The following BMP8A variants were observed in gnomAD, a reference collection of about 807,000 sequenced individuals.
The protein encoded by BMP8A is bone morphogenetic protein 8a, also known as BMP-8A.
BMP8A carries 14 observed loss-of-function variants against 36.8 expected under a neutral mutation model. The observed-to-expected ratio is 0.38, with a 90% confidence interval of 0.25 to 0.60. The LOEUF is 0.60. Ranked by LOEUF, BMP8A falls within the 20% of genes least tolerant of loss-of-function variation. The pLI, the probability that BMP8A is intolerant of heterozygous loss-of-function variation, is 0.63. For missense variants in BMP8A, 267 were observed against 551.1 expected, an observed-to-expected ratio of 0.48 and a Z score of 5.16; for synonymous variants, 120 against 237.7, an observed-to-expected ratio of 0.50 and a Z score of 4.55.
chr1:39,523,100 G>A lies in BMP8A; in HGVS notation c.1042G>A (p.Ala348Thr), dbSNP rs770670316. Residue 348 changes from alanine to threonine, a missense_variant, in exon 6 of 7, where the codon GCC becomes ACC. By Grantham distance (58) the Ala-to-Thr change is moderately conservative. Around this residue, in one of 7 missense-constraint regions of BMP8A, gnomAD observed 132 missense variants for 151.3 expected, o/e 0.87. Transcript: ENST00000331593. ...CTCCTGCATGAACGCCACCAACCAC[G>A]CCATCCTGCAGTCCCTGGTCAGTAC... ...LDSCMNATNH[A>T]ILQSLVHLMK... 34 of 1,613,718 alleles carry A rather than the reference G, an allele frequency of 2.1e-5. No individual in the cohort carries two copies. Among genetic ancestry groups the A allele is most frequent in the Admixed American group, 6.7e-5 (4 of 59,972 alleles).
At position 39,525,686 on chromosome 1, in the gene BMP8A, G is replaced by A; in HGVS notation, c.1097G>A (p.Cys366Tyr). 6.2e-7 allele frequency: 1 copy of A among 1,614,094 alleles called. No individual in the cohort carries two copies. The highest frequency in any genetic ancestry group is 8.5e-7 in the Non-Finnish European group (1 of 1,179,994). Reference protein sequence around the residue: ...LMKPNAVPKACCAPTKLSATS... With the variant: ...LMKPNAVPKAYCAPTKLSATS... ...AAGCCAAACGCAGTCCCCAAGGCGTGCTGTGCACCCACCAAGCTGAGCGCC... is the reference window on the plus strand; with the variant it reads ...AAGCCAAACGCAGTCCCCAAGGCGTACTGTGCACCCACCAAGCTGAGCGCC... The change falls in exon 7 of 7, where the codon TGC becomes TAC. Residue 366 changes from cysteine (C) to tyrosine (Y), a missense_variant. Physicochemically the swap from Cys to Tyr is radical, Grantham distance 194. This residue lies in a region of BMP8A where 132 missense variants were observed against 151.3 expected (regional missense o/e 0.87). Transcript: ENST00000331593.
chr1:39,523,215 T>C, intron 6 of BMP8A, 98 bp downstream of exon 6: 1 of 1,374,034 alleles, frequency 7.3e-7, no homozygotes, highest in South Asian at 1.2e-5. Context: ...GGCCACCTGC[T>C]CCATGTCTCG....
intron 1 of BMP8A, among the ~76,000 whole-genome samples, chr1:39,499,315 G>T (rs1387220480): frequency 1.3e-5 from 2 of 152,236 alleles, no homozygotes; most frequent in African/African-American, 4.8e-5. Flanking sequence ...GGGACAGATG[G>T]CAGGGCCAGC....
chr1:39,522,323 G>A (rs1329650475), intron 4 of BMP8A, 80 bp from the exon 5 acceptor site: 2 of 1,343,734 alleles, frequency 1.5e-6, no homozygotes, highest in East Asian at 2.4e-5. Flanking sequence ...GCTCATCAGG[G>A]CATCCCCCAC....
chr1:39,496,078 C>A (rs186778841), intron 1 of BMP8A, among the ~76,000 whole-genome samples: 1 of 152,228 alleles, frequency 6.6e-6, no homozygotes, highest in Non-Finnish European at 1.5e-5. Flanking sequence ...CCTTGCCAGC[C>A]GTGTGACCTG....
chr1:39,511,455 AAG>A (rs1376798201), intron 2 of BMP8A, 92 bp downstream of exon 2: 1 of 524,392 alleles, frequency 1.9e-6, no homozygotes, highest in Non-Finnish European at 3.3e-6. Context: ...GGTGGGCTGA[AAG>A]AGAGCCTCAA....
intron 1 of BMP8A, among the ~76,000 whole-genome samples, chr1:39,504,948 C>T (rs1413928731): frequency 1.3e-5 from 2 of 152,134 alleles, no homozygotes; most frequent in African/African-American, 4.8e-5. Context: ...TGACTTTACA[C>T]GAACATCTCA....
At chr1:39,504,205 T>C (rs1463187823) in intron 1 of BMP8A, among the ~76,000 whole-genome samples, 2 of 151,440 alleles carry the variant, frequency 1.3e-5, no homozygotes, top group African/African-American at 2.4e-5. Flanking sequence ...AGAAAAGAAA[T>C]AAGATACAGA....
chr1:39,506,506 C>G (rs191953969), intron 1 of BMP8A, among the ~76,000 whole-genome samples: 1 of 152,022 alleles, frequency 6.6e-6, no homozygotes, highest in Non-Finnish European at 1.5e-5. Context: ...CGCGCCCCCC[C>G]CAATTTCCTG....
chr1:39,513,793 G>A (rs1445110378), intron 3 of BMP8A, among the ~76,000 whole-genome samples: 2 of 151,210 alleles, frequency 1.3e-5, no homozygotes, highest in Non-Finnish European at 3.0e-5. Context: ...ATGGGACCAG[G>A]TCATCTAGGG....
intron 1 of BMP8A, among the ~76,000 whole-genome samples, chr1:39,505,047 C>T (rs985766109): frequency 2.0e-5 from 3 of 152,202 alleles, no homozygotes; most frequent in African/African-American, 7.2e-5. Flanking sequence ...AATGTCCAAT[C>T]GGGTTTTACA....
rs1470646945 is a variant in BMP8A, at chr1:39,506,069, A to G, written c.335-5105A>G. Among the ~76,000 whole-genome samples the G allele has an allele frequency of 3.3e-5, 5 of 151,870 alleles. No individual in the cohort carries two copies. In the South Asian group the frequency reaches 6.2e-4, roughly 19 times the overall value. On this transcript the variant is annotated intron_variant, in intron 1 of 6. Coordinates refer to ENST00000331593, the MANE Select transcript of BMP8A (RefSeq NM_181809.4). ...GTCAGATCGGAGGGGCCCCGGGGAA[A>G]TGACACTAAATGTATTCGTGTATTA...
rs1480904083 is a variant in BMP8A, at chr1:39,528,908, C to T, written c.*3110C>T. On this transcript the variant is annotated 3_prime_UTR_variant, in exon 7 of 7. Coordinates refer to ENST00000331593, the MANE Select transcript of BMP8A (RefSeq NM_181809.4). ...TAGAAACCAGGTCTCACTATGTTGC[C>T]CAGGCCGGTCTTAAACTTTGCCCAG... 1 of 152,114 alleles carries T rather than the reference C, an allele frequency of 6.6e-6. No individual in the cohort carries two copies. The highest frequency in any genetic ancestry group is 2.4e-5 in the African/African-American group (1 of 41,388). The allele number at this position is 152,114 out of a possible 1,614,324, so 9.4% of individuals were successfully genotyped here.
intron 1 of BMP8A, among the ~76,000 whole-genome samples, chr1:39,501,433 C>T (rs941240541): frequency 6.6e-6 from 1 of 152,204 alleles, no homozygotes; most frequent in African/African-American, 2.4e-5. Flanking sequence ...CAGCTCACTG[C>T]AGTCTCCACC....
chr1:39,515,481 C>G (rs1023376486), intron 3 of BMP8A: 36 of 982,162 alleles, frequency 3.7e-5, no homozygotes, highest in Non-Finnish European at 4.0e-5. Context: ...CCGCTACACC[C>G]CGGACGGCCA....
chr1:39,506,712 T>C (rs769877514), intron 1 of BMP8A, among the ~76,000 whole-genome samples: 1 of 151,248 alleles, frequency 6.6e-6, no homozygotes, highest in Non-Finnish European at 1.5e-5. Flanking sequence ...CAGCCCCCCT[T>C]CTTTGTGTAC....
Position 39,522,426 on chromosome 1 carries a change from C to G in BMP8A, c.892C>G (p.Arg298Gly), listed in dbSNP as rs911259674. ...IFDDVRGSHGRQVCRRHELYV... is the reference protein window; with the variant it reads ...IFDDVRGSHGGQVCRRHELYV... ...AGATGACGTCCGCGGCTCCCACGGC[C>G]GGCAGGTCTGCCGTCGGCACGAGCT... The change falls in exon 5 of 7, where the codon CGG becomes GGG. Residue 298 changes from arginine (R) to glycine (G), a missense_variant. Physicochemically the swap from Arg to Gly is moderately radical, Grantham distance 125. Transcript: ENST00000331593. 5 of 1,610,472 alleles carry G rather than the reference C, an allele frequency of 3.1e-6. No individual in the cohort carries two copies. The highest frequency in any genetic ancestry group is 3.4e-6 in the Non-Finnish European group (4 of 1,178,844).
At chr1:39,523,606 C>A in intron 6 of BMP8A, 1 of 1,434,720 alleles carries the variant, frequency 7.0e-7, no homozygotes, top group South Asian at 1.5e-5. Flanking sequence ...GTGTGGCTCT[C>A]AACCTTTTGG....
chr1:39,503,508 CTTTTTTTTTTTTT>C (rs35892449), intron 1 of BMP8A, among the ~76,000 whole-genome samples: 3 of 69,960 alleles, frequency 4.3e-5, no homozygotes, highest in Non-Finnish European at 7.7e-5. Flanking sequence ...TACAGTCTTT[CTTTTTTTTTTTTT>C]TTTTTTTTTT....
Sources: allele counts gnomAD v4.1 joint callset (sites outside exome capture counted in the v4.1 genomes callset), GRCh38; gene constraint gnomAD v4.1.1; regional missense constraint gnomAD v4.1.1; transcripts MANE v1.5; gene names NCBI Gene and HGNC (gene_info 2026-07-23, HGNC 2026-07-21).